The following SOX5 variants were observed in gnomAD, a reference collection of about 807,000 sequenced individuals.
The protein encoded by SOX5 is SRY-box transcription factor 5, also known as transcription factor SOX-5.
Under a neutral mutation model 92.0 loss-of-function variants are expected in SOX5, and 9 were observed. The ratio of observed to expected loss-of-function variants is 0.10; its 90% confidence interval spans 0.06 to 0.17. The LOEUF (loss-of-function observed/expected upper bound fraction) is 0.17, where lower values mean the gene tolerates loss of function less well. Among genes scored for constraint, SOX5 ranks in the 10% least tolerant of loss-of-function variants. The pLI, the probability that SOX5 is intolerant of heterozygous loss-of-function variation, is 1.00. For synonymous variants in SOX5, 344 were observed against 336.3 expected (o/e 1.02, Z -0.25); for missense variants, 642 against 944.5 (o/e 0.68, Z 4.20).
At chr12:23,957,502 C>G (rs2139961724) in intron 4 of SOX5, among the ~76,000 whole-genome samples, 1 of 152,252 alleles carries the variant, frequency 6.6e-6, no homozygotes, top group East Asian at 1.9e-4. Context: ...GGAATAAATA[C>G]AAGGGTTGTT....
intron 3 of SOX5, among the ~76,000 whole-genome samples, chr12:24,259,383 T>C (rs759185057): frequency 1.3e-5 from 2 of 152,238 alleles, no homozygotes; most frequent in East Asian, 1.9e-4. Flanking sequence ...TACACGCATA[T>C]TGAGCTATTA....
intron 4 of SOX5, among the ~76,000 whole-genome samples, chr12:24,059,183 G>T (rs941553762): frequency 6.6e-6 from 1 of 152,102 alleles, no homozygotes; most frequent in Non-Finnish European, 1.5e-5. Context: ...ATCTCTAAGA[G>T]ATTTCAATAT....
chr12:23,614,882 A>G (rs577065976), intron 8 of SOX5, among the ~76,000 whole-genome samples: 10 of 152,212 alleles, frequency 6.6e-5, no homozygotes, highest in African/African-American at 1.9e-4. Flanking sequence ...GCTCACTGCA[A>G]CCTCCGCCTC....
intron 9 of SOX5, among the ~76,000 whole-genome samples, chr12:23,597,185 G>T (rs1030330843): frequency 6.6e-6 from 1 of 152,162 alleles, no homozygotes; most frequent in Admixed American, 6.5e-5. Flanking sequence ...ACATGTTTCT[G>T]TCAAAACAAA....
At chr12:24,081,167 T>A (rs1373192680) in intron 4 of SOX5, among the ~76,000 whole-genome samples, 1 of 151,950 alleles carries the variant, frequency 6.6e-6, no homozygotes, top group Non-Finnish European at 1.5e-5. Flanking sequence ...GGCTTCCCCA[T>A]AACTCTACAG....
chr12:24,530,361 G>C (rs1566403080), intron 1 of SOX5, among the ~76,000 whole-genome samples: 1 of 152,158 alleles, frequency 6.6e-6, no homozygotes, highest in African/African-American at 2.4e-5. Context: ...TGCTGTTTCT[G>C]AAGTAGTAAT....
At chr12:23,806,791 C>T (rs2095786419) in intron 3 of SOX5, among the ~76,000 whole-genome samples, 1 of 151,834 alleles carries the variant, frequency 6.6e-6, no homozygotes, top group Admixed American at 6.6e-5. Context: ...ATCTATAAAC[C>T]CTCTAAACTT....
intron 2 of SOX5, among the ~76,000 whole-genome samples, chr12:23,878,915 G>A (rs982182213): frequency 6.6e-6 from 1 of 152,042 alleles, no homozygotes; most frequent in Non-Finnish European, 1.5e-5. Flanking sequence ...GTCTGTGTCT[G>A]CCTGCCCCTG....
chr12:24,451,164 A>G (rs1365865127), intron 1 of SOX5, among the ~76,000 whole-genome samples: 1 of 152,234 alleles, frequency 6.6e-6, no homozygotes, highest in African/African-American at 2.4e-5. Flanking sequence ...CACTGTGTAT[A>G]AGTACCACAT....
In SOX5 at chr12:24,504,738, T is replaced by C. The variant is rs118032821; in HGVS notation, c.-251+57591A>G. ...ATATAAACCTTAATTCTAGTTCCTT[T>C]TTCTTTTTTCAACAAAACATTATTT... On this transcript the variant is annotated intron_variant, in intron 1 of 4. Coordinates refer to the SOX5 transcript ENST00000446891. 1.7e-3 allele frequency among the ~76,000 whole-genome samples: 252 copies of C among 152,326 alleles called. 2 individuals carry two copies. Among genetic ancestry groups the C allele is most frequent in the Non-Finnish European group, 2.3e-3 (155 of 68,026 alleles).
rs545134439 is a variant in SOX5, at chr12:23,571,887, T to C, written c.1342+3774A>G. 2.2e-4 allele frequency among the ~76,000 whole-genome samples: 33 copies of C among 152,204 alleles called. No homozygotes were observed. The East Asian group carries it at 6.4e-3, about 29-fold the overall frequency. ...ACTCCATCTAGTTAAGGGTCTATAA[T>C]TGTAGAACAGCTGCAGTGAGAAAAT... On this transcript the variant is annotated intron_variant, in intron 10 of 14. Coordinates refer to ENST00000451604, the MANE Select transcript of SOX5 (RefSeq NM_006940.6).
intron 11 of SOX5, among the ~76,000 whole-genome samples, chr12:23,550,295 A>G (rs1432234627): frequency 3.9e-5 from 6 of 151,938 alleles, no homozygotes; most frequent in African/African-American, 1.4e-4. Flanking sequence ...CAGGAATATC[A>G]TATTTTAATC....
intron 6 of SOX5, among the ~76,000 whole-genome samples, chr12:23,675,086 C>T (rs1366906516): frequency 6.6e-6 from 1 of 152,118 alleles, no homozygotes; most frequent in Non-Finnish European, 1.5e-5. Flanking sequence ...CTCCAACAGG[C>T]TAATTTTCAT....
chr12:24,414,547 T>G (rs1964683041), intron 1 of SOX5, among the ~76,000 whole-genome samples: 1 of 152,134 alleles, frequency 6.6e-6, no homozygotes, highest in African/African-American at 2.4e-5. Flanking sequence ...CGTGTACTGG[T>G]CAAAGGATAA....
chr12:23,693,925 T>A (rs938581104), intron 6 of SOX5, among the ~76,000 whole-genome samples: 2 of 152,178 alleles, frequency 1.3e-5, no homozygotes, highest in African/African-American at 4.8e-5. Flanking sequence ...CTGAAGTATA[T>A]CTTTTAGACA....
chr12:24,252,940 T>C (rs1338333959), intron 3 of SOX5, among the ~76,000 whole-genome samples: 1 of 152,126 alleles, frequency 6.6e-6, no homozygotes, highest in Non-Finnish European at 1.5e-5. Context: ...GATAAATCGA[T>C]ACAGCAAAAA....
intron 4 of SOX5, among the ~76,000 whole-genome samples, chr12:24,029,337 T>G (rs1955226139): frequency 6.6e-6 from 1 of 151,986 alleles, no homozygotes; most frequent in Admixed American, 6.6e-5. Flanking sequence ...TACACTGGCA[T>G]GATCCTAGTT....
At chr12:24,430,401 T>C (rs1187317017) in intron 1 of SOX5, among the ~76,000 whole-genome samples, 1 of 151,964 alleles carries the variant, frequency 6.6e-6, no homozygotes, top group East Asian at 1.9e-4. Context: ...CATGACAAAA[T>C]TATATTTAAG....
At chr12:24,459,155 T>G (rs1315259900) in intron 1 of SOX5, among the ~76,000 whole-genome samples, 1 of 152,300 alleles carries the variant, frequency 6.6e-6, no homozygotes, top group African/African-American at 2.4e-5. Flanking sequence ...CAGAAATATA[T>G]GCCCCACTTA....
Sources: allele counts gnomAD v4.1 joint callset (sites outside exome capture counted in the v4.1 genomes callset), GRCh38; gene constraint gnomAD v4.1.1; transcripts MANE v1.5; gene names NCBI Gene and HGNC (gene_info 2026-07-23, HGNC 2026-07-21).